Variants in LRRC75B observed in about 807,000 individuals in gnomAD.
The protein encoded by LRRC75B is leucine rich repeat containing 75B, also known as leucine-rich repeat-containing protein 75B.
A neutral mutation model predicts 16.5 loss-of-function variants in LRRC75B; 20 were observed. The observed-to-expected ratio is 1.21, with a 90% confidence interval of 0.85 to 1.76. The LOEUF (loss-of-function observed/expected upper bound fraction) is 1.76. Among genes scored for constraint, LRRC75B ranks in the 40% most tolerant of loss-of-function variants. The pLI is 0.00. For missense variants in LRRC75B, 406 were observed against 417.0 expected (o/e 0.97, Z 0.23); for synonymous variants, 199 against 198.1 (o/e 1.00, Z -0.04).
chr22:24,585,845 A>G lies in LRRC75B; in HGVS notation c.*41T>C. The G allele has an allele frequency of 2.6e-6, 4 of 1,509,596 alleles. No homozygotes were observed. The highest frequency in any genetic ancestry group is 3.5e-6 in the Non-Finnish European group (4 of 1,129,418). 93.5% of individuals were successfully genotyped at this position (1,509,596 alleles called of 1,614,324 possible). A position where few individuals can be genotyped will look rare whatever the true frequency, so the allele number is the denominator to read the frequency against. ...CATCGCCCACTATCATGTGCTTGAGAGCATCACAAGTCAGTAGCAATGAGC... is the reference window on the plus strand; with the variant it reads ...CATCGCCCACTATCATGTGCTTGAGGGCATCACAAGTCAGTAGCAATGAGC... On this transcript the variant is annotated 3_prime_UTR_variant, in exon 4 of 4. Transcript: ENST00000318753.
chr22:24,586,810 C>T (rs41277323), intron 3 of LRRC75B, among the ~76,000 whole-genome samples: 3,429 of 152,334 alleles, frequency 0.023, 62 homozygotes, highest in Non-Finnish European at 0.037. Context: ...GGATTACAGG[C>T]GTGAGCCACT....
intron 3 of LRRC75B, among the ~76,000 whole-genome samples, chr22:24,586,826 C>T (rs920753065): frequency 9.8e-5 from 15 of 152,362 alleles, no homozygotes; most frequent in South Asian, 6.2e-4. Context: ...CCACTGCGCC[C>T]GGGCCCAAAC....
At chr22:24,586,950 C>A (rs570901451) in intron 3 of LRRC75B, among the ~76,000 whole-genome samples, 1 of 152,342 alleles carries the variant, frequency 6.6e-6, no homozygotes, top group South Asian at 2.1e-4. Context: ...AAGGCTCTTT[C>A]TTCATGAACT....
chr22:24,585,994 C>G lies in LRRC75B; in HGVS notation c.840G>C (p.Leu280=), dbSNP rs1956726088. Residue 280 remains leucine, a synonymous_variant, in exon 4 of 4, where the codon CTG becomes CTC. Transcript: ENST00000318753. ...RTSLPTIYEG[L]DLEPEGSAAG... ...CCGCACTGCCCTCAGGCTCAAGGTC[C>G]AGGCCCTCGTAGATGGTGGGGAGTG... 19 of 1,610,796 alleles carry G rather than the reference C, an allele frequency of 1.2e-5. No individual in the cohort carries two copies. Among genetic ancestry groups the G allele is most frequent in the Non-Finnish European group, 1.6e-5 (19 of 1,179,868 alleles).
At chr22:24,592,710 C>T (rs1009534749) in intron 1 of LRRC75B, 153 bp downstream of exon 1, 4 of 1,277,306 alleles carry the variant, frequency 3.1e-6, no homozygotes, top group Non-Finnish European at 4.0e-6. Context: ...GCCTGTCGCG[C>T]CCTCGGAACC....
chr22:24,585,861 A>T lies in LRRC75B; in HGVS notation c.*25T>A. On this transcript the variant is annotated 3_prime_UTR_variant, in exon 4 of 4. Transcript: ENST00000318753. ...GTGCTTGAGAGCATCACAAGTCAGT[A>T]GCAATGAGCCAGGTGGGTGGTGGGT... 2 of 1,543,820 alleles carry T rather than the reference A, an allele frequency of 1.3e-6. No homozygotes were observed. Among genetic ancestry groups the T allele is most frequent in the South Asian group, 2.4e-5 (2 of 84,672 alleles).
Position 24,588,197 on chromosome 22 carries a change from G to T in LRRC75B, c.422+17C>A, listed in dbSNP as rs1314800478. On this transcript the variant is annotated intron_variant, in intron 3 of 3. Coordinates refer to ENST00000318753, the MANE Select transcript of LRRC75B (RefSeq NM_207644.3). The stretch of plus-strand genomic sequence containing the variant: ...TGGAGCAGCAGTGAGGAGGGGCAGT[G>T]GCTGGGCTACCCTTACCAGCTCTGG... The T allele has an allele frequency of 6.3e-7, 1 of 1,590,986 alleles. No homozygotes were observed. The highest frequency in any genetic ancestry group is 1.7e-5 in the Admixed American group (1 of 59,354).
intron 2 of LRRC75B, chr22:24,589,144 T>C (rs963094246): frequency 1.8e-6 from 2 of 1,139,892 alleles, no homozygotes; most frequent in Non-Finnish European, 2.2e-6. Flanking sequence ...CTGGTTTTGG[T>C]TGGGGACTCA....
chr22:24,590,090 G>A (rs1023991663), intron 1 of LRRC75B, 141 bp from the exon 2 acceptor site: 10 of 1,003,630 alleles, frequency 1.0e-5, no homozygotes, highest in African/African-American at 1.7e-5. Context: ...CCCCACAGGC[G>A]GCCATGGGCC....
At chr22:24,592,813 CCAGACCCT>C in intron 1 of LRRC75B, 42 bp downstream of exon 1, 1 of 1,266,704 alleles carries the variant, frequency 7.9e-7, no homozygotes, top group Non-Finnish European at 1.0e-6. Context: ...CCCCAGACCC[CCAGACCCT>C]CCCTGGCCGC....
At chr22:24,587,850 TC>T (rs996473314) in intron 3 of LRRC75B, among the ~76,000 whole-genome samples, 1 of 151,630 alleles carries the variant, frequency 6.6e-6, no homozygotes, top group African/African-American at 2.4e-5. Flanking sequence ...AGAATCTGCC[TC>T]CCCCGCAACC....
chr22:24,586,564 T>C (rs1218124550), intron 3 of LRRC75B, among the ~76,000 whole-genome samples, 153 bp from the exon 4 acceptor site: 4 of 152,248 alleles, frequency 2.6e-5, no homozygotes, highest in Admixed American at 1.3e-4. Flanking sequence ...AAAGTTTCGC[T>C]CTTTTTGTCC....
At chr22:24,592,778 A>C in intron 1 of LRRC75B, 85 bp downstream of exon 1, 2 of 1,266,808 alleles carry the variant, frequency 1.6e-6, no homozygotes, top group Non-Finnish European at 2.0e-6. Flanking sequence ...CAGGCCCACA[A>C]CCCATAGCCC....
chr22:24,586,703 G>A (rs1002413627), intron 3 of LRRC75B, among the ~76,000 whole-genome samples: 18 of 152,342 alleles, frequency 1.2e-4, no homozygotes, highest in African/African-American at 4.1e-4. Flanking sequence ...GGCTAATTTT[G>A]TATTTTTAGT....
intron 1 of LRRC75B, among the ~76,000 whole-genome samples, chr22:24,591,439 C>T (rs1390036074): frequency 6.6e-6 from 1 of 152,216 alleles, no homozygotes; most frequent in Non-Finnish European, 1.5e-5. Context: ...CAGGAGGGGC[C>T]TCTAGACCCC....
chr22:24,588,684 G>T (rs527994817), intron 2 of LRRC75B: 15 of 1,106,078 alleles, frequency 1.4e-5, no homozygotes, highest in East Asian at 1.2e-4. Context: ...CTTGCCACAG[G>T]GGGAGGAGGC....
intron 2 of LRRC75B, chr22:24,588,657 T>G: frequency 8.8e-7 from 1 of 1,136,472 alleles, no homozygotes; most frequent in South Asian, 2.3e-5. Flanking sequence ...CTGCCCACCC[T>G]CAGCACCCTT....
In LRRC75B at chr22:24,586,206, G is replaced by A. The variant is rs1569034474; in HGVS notation, c.628C>T (p.Leu210Phe). The A allele has an allele frequency of 1.2e-6, 2 of 1,613,642 alleles. No individual in the cohort carries two copies. Among genetic ancestry groups the A allele is most frequent in the African/African-American group, 2.7e-5 (2 of 74,964 alleles). ...TTGCCGTTGAGCAGGAGCTGGGTGA[G>A]GCGGGGCAGCGCCCACAGGCTGGGC... ...LLPSLWALPRLTQLLLNGNRL... is the reference protein window; with the variant it reads ...LLPSLWALPRFTQLLLNGNRL... Residue 210 changes from leucine (L) to phenylalanine (F), a missense_variant, in exon 4 of 4, where the codon CTC becomes TTC. Transcript: ENST00000318753.
rs2045489778 is a variant in LRRC75B, at chr22:24,589,115, A to G, written c.306+706T>C. 2.7e-6 allele frequency: 3 copies of G among 1,102,438 alleles called. No individual in the cohort carries two copies. In the South Asian group the frequency reaches 6.3e-5, roughly 23 times the overall value. The allele number at this position is 1,102,438 out of a possible 1,614,324, so 68.3% of individuals were successfully genotyped here. A position where few individuals can be genotyped will look rare whatever the true frequency, so the allele number is the denominator to read the frequency against. On this transcript the variant is annotated intron_variant, in intron 2 of 3. Transcript: ENST00000318753. ...AGAGACCTGGGCATTCAGAGCTGGC[A>G]GGGCCCAGAGCGGATACCCTGGTTT...
Sources: allele counts gnomAD v4.1 joint callset (sites outside exome capture counted in the v4.1 genomes callset), GRCh38; gene constraint gnomAD v4.1.1; transcripts MANE v1.5; gene names NCBI Gene and HGNC (gene_info 2026-07-23, HGNC 2026-07-21).